KCNIP4: variants seen among roughly 807,000 people sequenced by gnomAD.
KCNIP4 encodes the protein potassium voltage-gated channel interacting protein 4.
KCNIP4 carries 12 observed loss-of-function variants against 34.0 expected under a neutral mutation model. The observed-to-expected ratio is 0.35, with a 90% CI of 0.23 to 0.57. The LOEUF is 0.57. KCNIP4 is among the 20% of genes least tolerant of loss of function. The pLI is 0.83. For missense variants in KCNIP4, 238 were observed against 311.7 expected (o/e 0.76, Z 1.78); for synonymous variants, 124 against 102.2 (o/e 1.21, Z -1.29).
At chr4:21,571,759 G>T (rs1439426670) in intron 1 of KCNIP4, among the ~76,000 whole-genome samples, 1 of 152,124 alleles carries the variant, frequency 6.6e-6, no homozygotes, top group Non-Finnish European at 1.5e-5. Flanking sequence ...TCCTGAGCTT[G>T]CAAACTCTGA....
intron 1 of KCNIP4, among the ~76,000 whole-genome samples, chr4:21,110,818 C>T (rs1323949004): frequency 6.6e-6 from 1 of 152,162 alleles, no homozygotes; most frequent in Non-Finnish European, 1.5e-5. Flanking sequence ...CCTTACCAGA[C>T]CCTGAATCTT....
intron 1 of KCNIP4, among the ~76,000 whole-genome samples, chr4:21,338,782 C>A (rs1388319256): frequency 6.6e-6 from 1 of 151,922 alleles, no homozygotes; most frequent in Admixed American, 6.6e-5. Flanking sequence ...TGGCCCAGAT[C>A]AAATACCACA....
intron 1 of KCNIP4, among the ~76,000 whole-genome samples, chr4:21,750,908 T>A (rs1717109830): frequency 6.6e-6 from 1 of 152,090 alleles, no homozygotes. Context: ...AGCCCTACAG[T>A]TAAGTGGGTT....
At chr4:21,077,617 G>A (rs1360468936) in intron 1 of KCNIP4, among the ~76,000 whole-genome samples, 1 of 152,026 alleles carries the variant, frequency 6.6e-6, no homozygotes, top group African/African-American at 2.4e-5. Context: ...TAATTTCTAA[G>A]AGCCTTCGTT....
At chr4:21,156,337 G>A (rs947982824) in intron 1 of KCNIP4, among the ~76,000 whole-genome samples, 1 of 152,144 alleles carries the variant, frequency 6.6e-6, no homozygotes, top group Non-Finnish European at 1.5e-5. Flanking sequence ...CAGGAATGTT[G>A]TTAATAGCTT....
At chr4:21,043,385 A>C in intron 1 of KCNIP4, among the ~76,000 whole-genome samples, 1 of 152,094 alleles carries the variant, frequency 6.6e-6, no homozygotes, top group East Asian at 1.9e-4. Context: ...GCTGGAGTGC[A>C]TTGGTGCGAT....
At chr4:21,578,629 G>T (rs1219958180) in intron 1 of KCNIP4, among the ~76,000 whole-genome samples, 2 of 152,120 alleles carry the variant, frequency 1.3e-5, no homozygotes. Flanking sequence ...AAGCAAATCT[G>T]CTCATCCGTG....
At chr4:21,335,884 A>G (rs1418600120) in intron 1 of KCNIP4, among the ~76,000 whole-genome samples, 1 of 152,094 alleles carries the variant, frequency 6.6e-6, no homozygotes, top group Non-Finnish European at 1.5e-5. Context: ...CCAATCACAA[A>G]GCTTTAAAAT....
At chr4:20,743,832 C>G (rs1002219820) in intron 5 of KCNIP4, among the ~76,000 whole-genome samples, 1 of 151,852 alleles carries the variant, frequency 6.6e-6, no homozygotes, top group African/African-American at 2.4e-5. Flanking sequence ...AGTGAACAGG[C>G]AACCTACAAA....
chr4:21,892,817 CAGG>C (rs1217835855), intron 1 of KCNIP4, among the ~76,000 whole-genome samples: 2 of 152,114 alleles, frequency 1.3e-5, no homozygotes, highest in African/African-American at 2.4e-5. Context: ...AGAAGATTAA[CAGG>C]GGCAACAAAA....
chr4:21,377,101 G>A (rs531400941), intron 1 of KCNIP4, among the ~76,000 whole-genome samples: 1 of 152,214 alleles, frequency 6.6e-6, no homozygotes, highest in Admixed American at 6.5e-5. Context: ...ATGCAGGGCT[G>A]GTTGAATTCT....
At chr4:20,991,934 A>G (rs1737115956) in intron 1 of KCNIP4, among the ~76,000 whole-genome samples, 1 of 152,324 alleles carries the variant, frequency 6.6e-6, no homozygotes, top group South Asian at 2.1e-4. Flanking sequence ...ACGAGATTCC[A>G]GAGACTGACT....
chr4:21,751,999 A>T lies in KCNIP4; in HGVS notation c.61+196572T>A, dbSNP rs559692707. Among the ~76,000 whole-genome samples, 3 of 152,284 alleles carry T rather than the reference A, an allele frequency of 2.0e-5. No individual in the cohort carries two copies. In the South Asian group the frequency reaches 6.2e-4, roughly 32 times the overall value. ...CCCTCCTCCTTCAAGACGCATCAAA[A>T]GTTATAGATCAGCGCTGCCTTTTCC... is the stretch of plus-strand genomic sequence containing the variant. On this transcript the variant is annotated intron_variant, in intron 1 of 8. Transcript: ENST00000382152.
chr4:21,008,871 C>A (rs1245371569), intron 1 of KCNIP4, among the ~76,000 whole-genome samples: 1 of 151,982 alleles, frequency 6.6e-6, no homozygotes, highest in African/African-American at 2.4e-5. Context: ...TTGGGTATTT[C>A]ATTAGGAGAC....
chr4:21,523,139 C>A (rs1735684807), intron 1 of KCNIP4, among the ~76,000 whole-genome samples: 1 of 152,068 alleles, frequency 6.6e-6, no homozygotes, highest in African/African-American at 2.4e-5. Context: ...GACATCAAGT[C>A]CAGTTTGATC....
intron 1 of KCNIP4, among the ~76,000 whole-genome samples, chr4:20,916,988 TATATATATATATATATATATATATATATA>T (rs1560568205): frequency 0.023 from 694 of 30,256 alleles, 81 homozygotes; most frequent in African/African-American, 0.044. Flanking sequence ...CTTATGTTTA[TATATATATATATATATATATATATATATA>T]TATATATATA....
intron 1 of KCNIP4, among the ~76,000 whole-genome samples, chr4:21,470,283 A>G (rs1055926223): frequency 6.6e-5 from 10 of 152,126 alleles, no homozygotes; most frequent in Non-Finnish European, 1.5e-4. Context: ...TCTGTTCTTT[A>G]TGTTAGGGAC....
intron 1 of KCNIP4, among the ~76,000 whole-genome samples, chr4:21,229,974 A>G (rs191877099): frequency 2.0e-5 from 3 of 152,294 alleles, no homozygotes; most frequent in Non-Finnish European, 2.9e-5. Context: ...CCCAACATTC[A>G]TATCTACCTG....
chr4:20,949,337 G>A (rs575596825), intron 1 of KCNIP4, among the ~76,000 whole-genome samples: 2 of 152,322 alleles, frequency 1.3e-5, no homozygotes, highest in South Asian at 2.1e-4. Context: ...ATTCTTTGCA[G>A]CAGAGCTGAT....
Sources: gnomAD v4.1 joint callset for allele counts (sites outside exome capture counted in the v4.1 genomes callset) on GRCh38, gnomAD v4.1.1 for gene constraint, MANE v1.5 for transcripts, NCBI Gene and HGNC (gene_info 2026-07-23, HGNC 2026-07-21) for gene names.